IPO11: variants seen among roughly 807,000 people sequenced by gnomAD.
The protein encoded by IPO11 is importin 11, also known as importin-11.
A neutral mutation model predicts 143.2 loss-of-function variants in IPO11; 66 were observed. That is an observed-to-expected ratio of 0.46 (90% CI 0.38 to 0.57). The LOEUF is 0.57. Ranked by LOEUF, IPO11 falls within the 20% of genes least tolerant of loss-of-function variation. The pLI is 0.00. For missense variants in IPO11, 1,026 were observed against 1,141.0 expected (o/e 0.90, Z 1.45); for synonymous variants, 385 against 377.8 (o/e 1.02, Z -0.22).
intron 27 of IPO11, chr5:62,579,391 CT>C (rs781224873): frequency 6.0e-4 from 922 of 1,527,572 alleles, no homozygotes; most frequent in Admixed American, 7.7e-4. Context: ...TTTACCTTCT[CT>C]TTTTATAGCC....
chr5:62,426,352 C>T (rs747977643), intron 1 of IPO11, among the ~76,000 whole-genome samples: 1 of 152,112 alleles, frequency 6.6e-6, no homozygotes, highest in Non-Finnish European at 1.5e-5. Flanking sequence ...GTGCCATAGT[C>T]TTCCAGCCTG....
chr5:62,489,791 G>A (rs985532867), intron 14 of IPO11, among the ~76,000 whole-genome samples: 21 of 152,116 alleles, frequency 1.4e-4, no homozygotes, highest in Admixed American at 1.4e-3. Context: ...AGTTGAGGCT[G>A]GAGAGAGTTA....
At chr5:62,566,830 A>T (rs1743959924) in intron 27 of IPO11, among the ~76,000 whole-genome samples, 1 of 151,600 alleles carries the variant, frequency 6.6e-6, no homozygotes. Flanking sequence ...TTGTCTGTGT[A>T]GTTTAAAAAG....
At chr5:62,619,754 G>A (rs1200793086) in intron 29 of IPO11, among the ~76,000 whole-genome samples, 3 of 151,988 alleles carry the variant, frequency 2.0e-5, no homozygotes, top group Non-Finnish European at 2.9e-5. Flanking sequence ...TCGGGAGGCT[G>A]AGGCAGGAGA....
chr5:62,423,296 G>A (rs539580433), intron 1 of IPO11, among the ~76,000 whole-genome samples: 22 of 152,216 alleles, frequency 1.4e-4, no homozygotes, highest in Admixed American at 9.2e-4. Flanking sequence ...TTCTGTTACT[G>A]TTTAGTTGAT....
At chr5:62,485,539 ATTAAAG>A (rs1378492842) in intron 12 of IPO11, 77 bp downstream of exon 12, 11 of 1,163,702 alleles carry the variant, frequency 9.5e-6, no homozygotes, top group African/African-American at 7.7e-5. Flanking sequence ...ATGACACTCT[ATTAAAG>A]ATTCCAGACA....
At chr5:62,609,729 A>T (rs1157033017) in intron 29 of IPO11, among the ~76,000 whole-genome samples, 1 of 152,186 alleles carries the variant, frequency 6.6e-6, no homozygotes, top group Non-Finnish European at 1.5e-5. Context: ...GTTTGAGTTT[A>T]TGCTGGGTGA....
intron 2 of IPO11, among the ~76,000 whole-genome samples, chr5:62,438,157 T>C (rs1258220871): frequency 6.6e-6 from 1 of 152,188 alleles, no homozygotes; most frequent in Admixed American, 6.6e-5. Context: ...GCAAAATTGT[T>C]TATTATATCT....
At chr5:62,515,596 G>T in intron 20 of IPO11, 95 bp downstream of exon 20, 2 of 689,964 alleles carry the variant, frequency 2.9e-6, no homozygotes, top group Non-Finnish European at 4.5e-6. Context: ...TTATGTTAAT[G>T]GTAGTGAAAA....
intron 20 of IPO11, 92 bp from the exon 21 acceptor site, chr5:62,526,050 G>T: frequency 1.4e-6 from 1 of 730,046 alleles, no homozygotes; most frequent in Non-Finnish European, 2.3e-6. Flanking sequence ...TTTTTTAATT[G>T]GTTTTAGGGC....
At chr5:62,544,802 C>T (rs1580307186) in intron 24 of IPO11, among the ~76,000 whole-genome samples, 1 of 152,036 alleles carries the variant, frequency 6.6e-6, no homozygotes, top group Non-Finnish European at 1.5e-5. Context: ...TTTTATACAC[C>T]AATAACAGAC....
At chr5:62,547,647 G>C (rs1370823730) in intron 24 of IPO11, among the ~76,000 whole-genome samples, 1 of 151,874 alleles carries the variant, frequency 6.6e-6, no homozygotes, top group Non-Finnish European at 1.5e-5. Flanking sequence ...TTGTGTATAC[G>C]ACTATGTTAT....
intron 24 of IPO11, among the ~76,000 whole-genome samples, chr5:62,545,943 A>G (rs561064249): frequency 3.6e-4 from 55 of 152,322 alleles, no homozygotes; most frequent in African/African-American, 1.2e-3. Flanking sequence ...AAAAGTCAGG[A>G]AACAACAGGT....
chr5:62,533,832 G>A (rs985753906), intron 22 of IPO11, among the ~76,000 whole-genome samples: 1 of 152,142 alleles, frequency 6.6e-6, no homozygotes, highest in Admixed American at 6.5e-5. Flanking sequence ...GGTGGCCCGT[G>A]CTTGTGATTG....
At chr5:62,498,866 T>C (rs1741244977) in intron 16 of IPO11, among the ~76,000 whole-genome samples, 1 of 152,222 alleles carries the variant, frequency 6.6e-6, no homozygotes, top group African/African-American at 2.4e-5. Flanking sequence ...CAAGATTTCA[T>C]CTTAAAAGAA....
chr5:62,536,637 C>T (rs932957858), intron 22 of IPO11, 65 bp from the exon 23 acceptor site: 1 of 1,523,510 alleles, frequency 6.6e-7, no homozygotes, highest in Non-Finnish European at 8.8e-7. Context: ...TGAATCACTT[C>T]ATTTAAACTA....
At chr5:62,599,568 A>G (rs1745421414) in intron 28 of IPO11, among the ~76,000 whole-genome samples, 1 of 152,194 alleles carries the variant, frequency 6.6e-6, no homozygotes, top group Non-Finnish European at 1.5e-5. Flanking sequence ...ATGACTTAAA[A>G]GGTTTCATTT....
chr5:62,616,245 A>T (rs1370810984), intron 29 of IPO11, among the ~76,000 whole-genome samples: 1 of 152,166 alleles, frequency 6.6e-6, no homozygotes, highest in East Asian at 1.9e-4. Context: ...CTAAATGTTG[A>T]TGGGCAGGGT....
At chr5:62,615,192 G>GCC (rs1746085699) in intron 29 of IPO11, among the ~76,000 whole-genome samples, 1 of 152,162 alleles carries the variant, frequency 6.6e-6, no homozygotes, top group Admixed American at 6.5e-5. Context: ...GAGTTTCCAG[G>GCC]CTTGAGGGTG....
Sources: allele counts gnomAD v4.1 joint callset (sites outside exome capture counted in the v4.1 genomes callset), GRCh38; gene constraint gnomAD v4.1.1; transcripts MANE v1.5; gene names NCBI Gene and HGNC (gene_info 2026-07-23, HGNC 2026-07-21).